Variants in ALDH8A1 observed in about 807,000 individuals in gnomAD.
The protein encoded by ALDH8A1 is aldehyde dehydrogenase 8 family member A1.
ALDH8A1 carries 39 observed loss-of-function variants against 43.3 expected under a neutral mutation model. The ratio of observed to expected loss-of-function variants is 0.90; its 90% CI spans 0.70 to 1.18. ALDH8A1 has a LOEUF of 1.18. Among genes scored for constraint, ALDH8A1 ranks in the 50% most tolerant of loss-of-function variants. The probability of loss-of-function intolerance (pLI) is 0.00; values close to 1 mark genes in which losing one functional copy is unlikely to be tolerated. For synonymous variants in ALDH8A1, 233 were observed against 243.5 expected, an observed-to-expected ratio of 0.96 and a Z score of 0.40; for missense variants, 605 against 622.6, an observed-to-expected ratio of 0.97 and a Z score of 0.30.
intron 3 of ALDH8A1, among the ~76,000 whole-genome samples, chr6:134,940,689 C>T (rs1212283005): frequency 2.0e-5 from 3 of 152,180 alleles, no homozygotes; most frequent in African/African-American, 2.4e-5. Flanking sequence ...TTTCCAATCA[C>T]AAAACAAACA....
chr6:134,939,474 C>A (rs945668405), intron 3 of ALDH8A1, 59 bp from the exon 4 acceptor site: 5 of 1,558,626 alleles, frequency 3.2e-6, no homozygotes, highest in Admixed American at 3.6e-5. Flanking sequence ...GGTGGACTGG[C>A]CAAGTGGGGT....
chr6:134,936,828 T>G (rs1044241585), intron 4 of ALDH8A1, among the ~76,000 whole-genome samples: 1 of 152,200 alleles, frequency 6.6e-6, no homozygotes, highest in African/African-American at 2.4e-5. Flanking sequence ...ATGTCTGCCC[T>G]CTAACCTTGA....
intron 6 of ALDH8A1, among the ~76,000 whole-genome samples, chr6:134,928,693 C>T (rs924336787): frequency 2.6e-5 from 4 of 152,204 alleles, no homozygotes; most frequent in African/African-American, 9.7e-5. Context: ...GGCTATAAAC[C>T]AGAGGCAGGC....
chr6:134,921,121 T>A lies in ALDH8A1; in HGVS notation c.1012-2254A>T, dbSNP rs140978964. On this transcript the variant is annotated intron_variant, in intron 6 of 6. Coordinates refer to ENST00000265605, the MANE Select transcript of ALDH8A1 (RefSeq NM_022568.4). ...TTATTGATGATGTTGGTGATGATGA[T>A]GAAATGACTGACCCGACACTTATTA... Among the ~76,000 whole-genome samples, 538 of 152,278 alleles carry A rather than the reference T, an allele frequency of 3.5e-3. 2 individuals carry two copies. The highest frequency in any genetic ancestry group is 0.01 in the Middle Eastern group (3 of 294).
chr6:134,918,865 G>A lies in ALDH8A1; in HGVS notation c.1014C>T (p.Val338=). ...ALISKAHLEK[V]RSYVKRALAE... The stretch of plus-strand genomic sequence containing the variant: ...CAAGAGCTCTCTTGACGTAACTTCT[G>A]ACCTGCGTGGGTAAAAATCATAATT... The change falls in exon 7 of 7, where the codon GTC becomes GTT. Residue 338 remains valine (V), a splice_region_variant and synonymous_variant. Transcript: ENST00000265605. 8 of 1,611,890 alleles carry A rather than the reference G, an allele frequency of 5.0e-6. No homozygotes were observed. The highest frequency in any genetic ancestry group is 6.8e-6 in the Non-Finnish European group (8 of 1,178,266).
At chr6:134,938,455 A>G (rs890128490) in intron 4 of ALDH8A1, among the ~76,000 whole-genome samples, 2 of 152,210 alleles carry the variant, frequency 1.3e-5, no homozygotes, top group South Asian at 2.1e-4. Flanking sequence ...GCCATATTGT[A>G]TTAGCTTTCC....
intron 3 of ALDH8A1, among the ~76,000 whole-genome samples, chr6:134,940,563 T>A (rs547566115): frequency 3.3e-5 from 5 of 152,318 alleles, no homozygotes; most frequent in East Asian, 3.9e-4. Flanking sequence ...AGAATATTTT[T>A]AAATAAAAAT....
intron 6 of ALDH8A1, among the ~76,000 whole-genome samples, chr6:134,924,239 G>C (rs1776850372): frequency 6.6e-6 from 1 of 152,170 alleles, no homozygotes; most frequent in African/African-American, 2.4e-5. Flanking sequence ...ACATGCACTT[G>C]CAAACTGAGT....
chr6:134,944,494 C>T (rs886806051), intron 1 of ALDH8A1, among the ~76,000 whole-genome samples: 6 of 152,180 alleles, frequency 3.9e-5, no homozygotes, highest in African/African-American at 1.4e-4. Context: ...CCATTTCAAC[C>T]AATGCATCCT....
intron 6 of ALDH8A1, among the ~76,000 whole-genome samples, chr6:134,926,563 C>T (rs1212797989): frequency 6.6e-6 from 1 of 151,096 alleles, no homozygotes; most frequent in Non-Finnish European, 1.5e-5. Context: ...AATCCCAGCA[C>T]TTTGGGAGGC....
rs759892735 is a variant in ALDH8A1 at position 134,934,092 on chromosome 6, G to T, written c.593-1060C>A. Among the ~76,000 whole-genome samples the T allele has an allele frequency of 6.0e-4, 91 of 152,286 alleles. 1 individual carries two copies. The highest frequency in any genetic ancestry group is 4.6e-4 in the Admixed American group (7 of 15,294). On this transcript the variant is annotated intron_variant, in intron 4 of 6. Transcript: ENST00000265605. ...CTAGCTAAGGGCAGAAACAGTGTCT[G>T]TTCTTTGCTCTCCGTTGTTTACTCT... is the stretch of plus-strand genomic sequence containing the variant.
intron 3 of ALDH8A1, among the ~76,000 whole-genome samples, chr6:134,940,791 A>G (rs1218439960): frequency 6.6e-6 from 1 of 152,236 alleles, no homozygotes; most frequent in Non-Finnish European, 1.5e-5. Context: ...TGCATCTTTT[A>G]TATTATTAAA....
Position 134,939,419 on chromosome 6 carries a change from A to C in ALDH8A1, c.443-4T>G, listed in dbSNP as rs773269640. ...TTCCAGGGGCTGATCAGACCAGCTA[A>C]GGGATGAGAGCAGAAGCACTGCCTG... On this transcript the variant is annotated splice_polypyrimidine_tract_variant and splice_region_variant and intron_variant, in intron 3 of 6. Coordinates refer to ENST00000265605, the MANE Select transcript of ALDH8A1 (RefSeq NM_022568.4). 1 of 1,613,546 alleles carries C rather than the reference A, an allele frequency of 6.2e-7. No individual in the cohort carries two copies. The highest frequency in any genetic ancestry group is 1.7e-5 in the Admixed American group (1 of 59,986).
At chr6:134,927,884 G>A (rs1230321506) in intron 6 of ALDH8A1, among the ~76,000 whole-genome samples, 1 of 152,146 alleles carries the variant, frequency 6.6e-6, no homozygotes, top group African/African-American at 2.4e-5. Flanking sequence ...GTGTCCAAAA[G>A]AGCCAGAAGG....
intron 6 of ALDH8A1, among the ~76,000 whole-genome samples, chr6:134,919,916 G>T (rs904655707): frequency 6.6e-6 from 1 of 152,136 alleles, no homozygotes; most frequent in African/African-American, 2.4e-5. Context: ...TGAAGTTAAA[G>T]ACTTTTTTTA....
intron 6 of ALDH8A1, among the ~76,000 whole-genome samples, chr6:134,928,591 A>G (rs1398848150): frequency 6.6e-6 from 1 of 152,236 alleles, no homozygotes; most frequent in East Asian, 1.9e-4. Flanking sequence ...TCAATCATTC[A>G]GAGACTATCA....
rs1198144441 is a variant in ALDH8A1, at chr6:134,939,466, T to C, written c.443-51A>G. ...CCTGTGACGGCATACCCCTCTGAGG[T>C]GGACTGGCCAAGTGGGGTTATTAAC... On this transcript the variant is annotated intron_variant, in intron 3 of 6. Coordinates refer to ENST00000265605, the MANE Select transcript of ALDH8A1 (RefSeq NM_022568.4). 2.5e-6 allele frequency: 4 copies of C among 1,583,980 alleles called. No homozygotes were observed. In the South Asian group the frequency reaches 3.4e-5, roughly 13 times the overall value.
intron 6 of ALDH8A1, 84 bp downstream of exon 6, chr6:134,928,970 A>G: frequency 1.4e-6 from 2 of 1,441,760 alleles, no homozygotes; most frequent in South Asian, 1.4e-5. Flanking sequence ...ACAATATTTC[A>G]GAGTCTGATT....
In ALDH8A1 at chr6:134,943,074, A is replaced by C. The variant is rs1023316493; in HGVS notation, c.287-510T>G. ...GCTGTGTGGCACCTGCTTGCCCATC[A>C]CATGCCCTGCACGTCCTAGCTCCTG... On this transcript the variant is annotated intron_variant, in intron 2 of 6. Coordinates refer to ENST00000265605, the MANE Select transcript of ALDH8A1 (RefSeq NM_022568.4). Among the ~76,000 whole-genome samples the C allele has an allele frequency of 5.9e-5, 9 of 152,308 alleles. No homozygotes were observed. The South Asian group carries it at 1.9e-3, about 32-fold the overall frequency.
Sources: allele counts gnomAD v4.1 joint callset (sites outside exome capture counted in the v4.1 genomes callset), GRCh38; gene constraint gnomAD v4.1.1; transcripts MANE v1.5; gene names NCBI Gene and HGNC (gene_info 2026-07-23, HGNC 2026-07-21).